LIPK: variants seen among roughly 807,000 people sequenced by gnomAD.
LIPK encodes the protein lipase family member K.
In LIPK, 32 loss-of-function variants were observed where a neutral mutation model predicts 48.6. That is an observed-to-expected ratio of 0.66 (90% CI 0.50 to 0.88). The LOEUF is 0.88. LIPK is among the 40% of genes least tolerant of loss of function. The pLI, the probability that LIPK is intolerant of heterozygous loss-of-function variation, is 0.00. For synonymous variants in LIPK, 164 were observed against 157.4 expected, an observed-to-expected ratio of 1.04 and a Z score of -0.32; for missense variants, 507 against 478.5, an observed-to-expected ratio of 1.06 and a Z score of -0.56.
intron 9 of LIPK, among the ~76,000 whole-genome samples, chr10:88,747,220 TC>T (rs1247605886): frequency 6.6e-6 from 1 of 152,162 alleles, no homozygotes; most frequent in Non-Finnish European, 1.5e-5. Flanking sequence ...TTGAAATAAT[TC>T]CAAAAAATCG....
At chr10:88,735,526 C>T (rs768229244) in intron 6 of LIPK, among the ~76,000 whole-genome samples, 2 of 152,288 alleles carry the variant, frequency 1.3e-5, no homozygotes, top group Middle Eastern at 3.4e-3. Context: ...AAAAAAAAGT[C>T]TTTTTCCACT....
rs564802071 is a variant in LIPK at position 88,748,656 on chromosome 10, C to T, written c.961-3861C>T. Among the ~76,000 whole-genome samples the T allele has an allele frequency of 5.3e-5, 8 of 151,620 alleles. 1 individual carries two copies. The highest frequency in any genetic ancestry group is 1.2e-4 in the Non-Finnish European group (8 of 67,856). On this transcript the variant is annotated intron_variant, in intron 9 of 9. Transcript: ENST00000404190. ...AAGAAAACAATAATAATATTAAATGCCATTTCTGACAAACCCACAGCCAAC... is the reference window on the plus strand; with the variant it reads ...AAGAAAACAATAATAATATTAAATGTCATTTCTGACAAACCCACAGCCAAC...
At chr10:88,748,761 T>C (rs1173457641) in intron 9 of LIPK, among the ~76,000 whole-genome samples, 1 of 152,158 alleles carries the variant, frequency 6.6e-6, no homozygotes, top group Non-Finnish European at 1.5e-5. Flanking sequence ...TCACCACTCC[T>C]ATTGAGCATA....
intron 2 of LIPK, 55 bp downstream of exon 2, chr10:88,724,703 C>A: frequency 1.6e-6 from 2 of 1,248,076 alleles, no homozygotes; most frequent in African/African-American, 1.5e-5. Context: ...CATATTTCAG[C>A]ATTTTAGATA....
At chr10:88,744,346 G>A (rs1842733430) in intron 9 of LIPK, among the ~76,000 whole-genome samples, 1 of 152,222 alleles carries the variant, frequency 6.6e-6, no homozygotes, top group Non-Finnish European at 1.5e-5. Flanking sequence ...ATGCGTGTGT[G>A]CAAACCTTGC....
chr10:88,740,202 T>C (rs1041609912), intron 8 of LIPK, 135 bp downstream of exon 8: 6 of 484,896 alleles, frequency 1.2e-5, no homozygotes, highest in Non-Finnish European at 1.8e-5. Context: ...CAGCATCAAC[T>C]CTTCATTTTT....
intron 2 of LIPK, among the ~76,000 whole-genome samples, chr10:88,724,849 C>T (rs1842303262): frequency 6.6e-6 from 1 of 152,156 alleles, no homozygotes; most frequent in African/African-American, 2.4e-5. Context: ...TAGTCCATCT[C>T]CTGGTGGTTT....
chr10:88,720,655 G>A (rs996261334), intron 1 of LIPK, among the ~76,000 whole-genome samples: 4 of 151,972 alleles, frequency 2.6e-5, no homozygotes, highest in Non-Finnish European at 4.4e-5. Flanking sequence ...TTATATAAGT[G>A]TATCCAGATA....
chr10:88,731,368 G>A (rs1842464178), intron 4 of LIPK, among the ~76,000 whole-genome samples, 187 bp downstream of exon 4: 1 of 152,136 alleles, frequency 6.6e-6, no homozygotes, highest in African/African-American at 2.4e-5. Flanking sequence ...TTATTGCATG[G>A]CTGTTTTAGA....
At chr10:88,713,722 C>G (rs1015919501) in intron 1 of LIPK, among the ~76,000 whole-genome samples, 7 of 152,068 alleles carry the variant, frequency 4.6e-5, no homozygotes, top group Non-Finnish European at 8.8e-5. Context: ...GGGCGGATTA[C>G]CTGAGGTCAG....
intron 1 of LIPK, among the ~76,000 whole-genome samples, chr10:88,718,643 A>T (rs1388675067): frequency 1.3e-5 from 2 of 152,042 alleles, no homozygotes; most frequent in Non-Finnish European, 2.9e-5. Context: ...AATGAGTTAC[A>T]CTGTTCCCAA....
intron 9 of LIPK, among the ~76,000 whole-genome samples, chr10:88,749,684 GT>G (rs1307678980): frequency 1.1e-5 from 1 of 93,872 alleles, no homozygotes; most frequent in Non-Finnish European, 2.3e-5. Flanking sequence ...AGGAAATACC[GT>G]TCTGGACATA....
chr10:88,712,545 C>A (rs1273432450), intron 1 of LIPK, among the ~76,000 whole-genome samples: 2 of 152,142 alleles, frequency 1.3e-5, no homozygotes, highest in African/African-American at 4.8e-5. Context: ...TAGTACTGCT[C>A]CCTCCCATAT....
intron 3 of LIPK, among the ~76,000 whole-genome samples, chr10:88,727,224 A>G (rs1842361896): frequency 6.6e-6 from 1 of 152,192 alleles, no homozygotes; most frequent in Admixed American, 6.5e-5. Context: ...TCTAGGGGTT[A>G]TTCTTGATAC....
rs774207544 is a variant in LIPK at position 88,726,825 on chromosome 10, T to C, written c.136T>C (p.Tyr46His). Residue 46 changes from tyrosine (Y) to histidine (H), a missense_variant, in exon 3 of 10, where the codon TAT (tyrosine) becomes CAT (histidine). Tyr to His is a moderately conservative substitution (Grantham distance 83, BLOSUM62 2). Coordinates refer to ENST00000404190, the MANE Select transcript of LIPK (RefSeq NM_001080518.2). ...GATTATTTCTTACTGGGGTTATCCT[T>C]ATGAAGAGTATGATGTTACAACAAA... ...SQIISYWGYP[Y>H]EEYDVTTKDG... 1.9e-6 allele frequency: 3 copies of C among 1,600,738 alleles called. No individual in the cohort carries two copies. The Admixed American group carries it at 5.0e-5, about 27-fold the overall frequency.
chr10:88,718,136 T>C (rs562546369), intron 1 of LIPK, among the ~76,000 whole-genome samples: 1 of 151,720 alleles, frequency 6.6e-6, no homozygotes, highest in South Asian at 2.1e-4. Context: ...CCCACATTTC[T>C]TTTCCATATC....
chr10:88,730,951 A>G lies in LIPK; in HGVS notation c.224-32A>G, dbSNP rs915408921. On this transcript the variant is annotated intron_variant, in intron 3 of 9. Coordinates refer to ENST00000404190, the MANE Select transcript of LIPK (RefSeq NM_001080518.2). ...TTCTTGTAGACACTGAGAAAGTTCA[A>G]ATATGAAATTCTTGTTGCCTGTGTT... 2.6e-6 allele frequency: 4 copies of G among 1,512,724 alleles called. No homozygotes were observed. The African/African-American group carries it at 4.2e-5, about 16-fold the overall frequency. The allele number at this position is 1,512,724 out of a possible 1,614,324, so 93.7% of individuals were successfully genotyped here. A position where few individuals can be genotyped will look rare whatever the true frequency, so the allele number is the denominator to read the frequency against.
At chr10:88,729,666 GA>G (rs1842425728) in intron 3 of LIPK, among the ~76,000 whole-genome samples, 1 of 152,202 alleles carries the variant, frequency 6.6e-6, no homozygotes, top group Non-Finnish European at 1.5e-5. Context: ...GATGGTACTT[GA>G]CTATTTAATG....
At position 88,747,354 on chromosome 10, in the gene LIPK, T is replaced by C. The variant is rs569909717; in HGVS notation, c.960+4033T>C. Among the ~76,000 whole-genome samples, 87 of 152,202 alleles carry C rather than the reference T, an allele frequency of 5.7e-4. 1 individual carries two copies. In the South Asian group the frequency reaches 0.018, roughly 31 times the overall value. On this transcript the variant is annotated intron_variant, in intron 9 of 9. Transcript: ENST00000404190. ...GGCCAATATCCCTGATAAACATATA[T>C]GCAAAAATTCTCAGTGAAATACTAG...
Sources: gnomAD v4.1 joint callset for allele counts (sites outside exome capture counted in the v4.1 genomes callset) on GRCh38, gnomAD v4.1.1 for gene constraint, MANE v1.5 for transcripts, NCBI Gene and HGNC (gene_info 2026-07-23, HGNC 2026-07-21) for gene names.